The following TCEANC variants were observed in gnomAD, a reference collection of about 807,000 sequenced individuals.
TCEANC encodes transcription elongation factor A N-terminal and central domain-containing protein.
A neutral mutation model predicts 8.7 loss-of-function variants in TCEANC; 8 were observed. The ratio of observed to expected loss-of-function variants is 0.92; its 90% CI spans 0.54 to 1.65. The LOEUF is 1.65. TCEANC is among the 40% of genes most tolerant of loss of function. The pLI is 0.00. For synonymous variants in TCEANC, 78 were observed against 92.9 expected, an observed-to-expected ratio of 0.84 and a Z score of 0.92; for missense variants, 255 against 251.9, an observed-to-expected ratio of 1.01 and a Z score of -0.08.
chrX:13,663,874 A>C, exon 2 of TCEANC: 1 of 203,032 alleles, frequency 4.9e-6, no homozygotes, highest in Non-Finnish European at 9.6e-6. Context: ...TTGAATCCGA[A>C]TCTGCATTTT....
exon 2 of TCEANC, chrX:13,664,364 G>A (rs960184440): frequency 8.1e-6 from 1 of 122,836 alleles, no homozygotes; most frequent in African/African-American, 3.3e-5. Flanking sequence ...AATGAAGAAT[G>A]TGTTTAAACT....
chrX:13,657,000 A>T (rs754141272), intron 1 of TCEANC, among the ~76,000 whole-genome samples: 6 of 111,924 alleles, frequency 5.4e-5, no homozygotes, highest in Non-Finnish European at 1.1e-4. Flanking sequence ...GTTTGGGAGG[A>T]TGAAAAGAGT....
At chrX:13,654,935 C>T (rs1413744121), upstream of TCEANC, among the ~76,000 whole-genome samples, 2 of 110,702 alleles carry the variant, frequency 1.8e-5, no homozygotes. Flanking sequence ...GGCTTGGTCT[C>T]CTACGAAAGA....
intron 1 of TCEANC, among the ~76,000 whole-genome samples, chrX:13,660,569 C>T (rs889274633): frequency 2.8e-4 from 32 of 112,483 alleles, no homozygotes; most frequent in African/African-American, 9.4e-4. Flanking sequence ...ACTTTTCTGT[C>T]TGGCTGCTTC....
At chrX:13,661,171 A>T (rs2045964390) in intron 1 of TCEANC, among the ~76,000 whole-genome samples, 49 bp downstream of exon 4, 1 of 111,395 alleles carries the variant, frequency 9.0e-6, no homozygotes, top group Admixed American at 9.5e-5. Context: ...TCTTTTATAT[A>T]GTTTTACATC....
At chrX:13,663,177 C>T (rs1355998221) in exon 2 of TCEANC, 1 of 1,204,050 alleles carries the variant, frequency 8.3e-7, no homozygotes, top group Non-Finnish European at 1.1e-6. Flanking sequence ...ATAAAACTTG[C>T]ATCAGAAGCA....
intron 1 of TCEANC, among the ~76,000 whole-genome samples, chrX:13,660,516 C>T (rs1234324249): frequency 1.8e-5 from 2 of 112,129 alleles, no homozygotes; most frequent in African/African-American, 6.5e-5. Context: ...ATAGATTTGC[C>T]TGTTTTGGAC....
chrX:13,660,011 A>G (rs1312445256), intron 1 of TCEANC, among the ~76,000 whole-genome samples: 2 of 111,815 alleles, frequency 1.8e-5, no homozygotes, highest in Non-Finnish European at 3.8e-5. Flanking sequence ...TGATTGATTC[A>G]TTGCTCATAC....
chrX:13,663,023 C>T, exon 2 of TCEANC: 2 of 1,211,072 alleles, frequency 1.7e-6, no homozygotes, highest in African/African-American at 1.7e-5. Context: ...CCCACAACAC[C>T]CATGAGAACT....
Position 13,659,734 on chromosome X carries a change from TCCTG to T in TCEANC, c.-8-2763_-8-2760del, listed in dbSNP as rs1261057352. On this transcript the variant is annotated intron_variant, in intron 1 of 1. It removes the in-frame stop codon of an upstream open reading frame in the 5' UTR. Transcript: ENST00000380600. ...TCTGCCTCCCGGGTTCAAGCAATTCTCCTGCCTCGGCCTTCCGAGTAGCTGGGAC... is the reference window on the plus strand; with the variant it reads ...TCTGCCTCCCGGGTTCAAGCAATTCTCCTCGGCCTTCCGAGTAGCTGGGAC... The T allele has an allele frequency of 9.0e-6, 1 of 111,450 alleles. No homozygotes were observed. The highest frequency in any genetic ancestry group is 1.8e-5 in the Non-Finnish European group (1 of 54,080). The allele number at this position is 111,450 out of a possible 1,213,427, so 9.2% of individuals were successfully genotyped here. A position where few individuals can be genotyped will look rare whatever the true frequency, so the allele number is the denominator to read the frequency against.
chrX:13,662,113 T>C (rs1274503004), intron 1 of TCEANC, among the ~76,000 whole-genome samples: 1 of 111,981 alleles, frequency 8.9e-6, no homozygotes, highest in African/African-American at 3.2e-5. Flanking sequence ...CATTGCCATA[T>C]TGATGCTGAC....
exon 2 of TCEANC, chrX:13,663,595 C>G: frequency 9.6e-7 from 1 of 1,042,702 alleles, no homozygotes; most frequent in Non-Finnish European, 1.3e-6. Flanking sequence ...AACAGATAAC[C>G]GGAGTGATAC....
intron 1 of TCEANC, among the ~76,000 whole-genome samples, chrX:13,661,337 C>T (rs1345811882): frequency 8.9e-6 from 1 of 112,002 alleles, no homozygotes; most frequent in Non-Finnish European, 1.9e-5. Flanking sequence ...CTAATTTCTC[C>T]TTAGAAGAAA....
chrX:13,662,827 C>T, exon 2 of TCEANC: 5 of 1,211,655 alleles, frequency 4.1e-6, no homozygotes, highest in Non-Finnish European at 5.6e-6. Flanking sequence ...AGGACCTTCT[C>T]ATGACCCAAG....
chrX:13,663,404 G>T (rs975203888), exon 2 of TCEANC: 16 of 1,187,797 alleles, frequency 1.3e-5, no homozygotes, highest in Non-Finnish European at 1.8e-5. Flanking sequence ...AAATGCAGAC[G>T]CTGTGAGAAA....
intron 1 of TCEANC, 87 bp from the exon 5 acceptor site, chrX:13,662,414 A>G: frequency 1.2e-6 from 1 of 843,248 alleles, no homozygotes; most frequent in Non-Finnish European, 1.7e-6. Context: ...TGCCTAGGTA[A>G]CTGACAGAAA....
chrX:13,657,601 A>T (rs2146725046), intron 1 of TCEANC, among the ~76,000 whole-genome samples: 1 of 111,931 alleles, frequency 8.9e-6, no homozygotes, highest in East Asian at 2.8e-4. Context: ...TGAGGTCAGG[A>T]GTTCGAGACC....
intron 1 of TCEANC, among the ~76,000 whole-genome samples, chrX:13,658,410 C>T (rs1173613752): frequency 9.0e-6 from 1 of 111,558 alleles, no homozygotes; most frequent in African/African-American, 3.3e-5. Flanking sequence ...TGAAGAGATA[C>T]GCAAAATTTT....
At position 13,657,366 on chromosome X, in the gene TCEANC, A is replaced by C. The variant is rs1344857574; in HGVS notation, c.-9+1993A>C. Among the ~76,000 whole-genome samples, 6 of 112,354 alleles carry C rather than the reference A, an allele frequency of 5.3e-5. No homozygotes were observed. The East Asian group carries it at 1.4e-3, about 26-fold the overall frequency. ...ATGATCCAATAACATAACCATTTAAAAATCGTGTTTTTAGAGAATATTTAA... is the reference window on the plus strand; with the variant it reads ...ATGATCCAATAACATAACCATTTAACAATCGTGTTTTTAGAGAATATTTAA... On this transcript the variant is annotated intron_variant, in intron 1 of 1. Coordinates refer to ENST00000380600, the Ensembl canonical transcript of TCEANC.
Sources: gnomAD v4.1 joint callset for allele counts (sites outside exome capture counted in the v4.1 genomes callset) on GRCh38, gnomAD v4.1.1 for gene constraint, MANE v1.5 for transcripts, NCBI Gene and HGNC (gene_info 2026-07-23, HGNC 2026-07-21) for gene names.